The following TEX15 variants were observed in gnomAD, a reference collection of about 807,000 sequenced individuals.
TEX15 encodes testis-expressed protein 15.
In TEX15, 171 loss-of-function variants were observed where a neutral mutation model predicts 237.3. The observed-to-expected ratio is 0.72, with a 90% confidence interval of 0.64 to 0.82. The LOEUF is 0.82. Among genes scored for constraint, TEX15 ranks in the 40% least tolerant of loss-of-function variants. The pLI is 0.00. For synonymous variants in TEX15, 1,338 were observed against 1,269.8 expected (o/e 1.05, Z -1.14); for missense variants, 3,750 against 3,646.5 (o/e 1.03, Z -0.73).
At chr8:30,907,177 T>G (rs1039590884) in intron 1 of TEX15, among the ~76,000 whole-genome samples, 1 of 152,168 alleles carries the variant, frequency 6.6e-6, no homozygotes, top group African/African-American at 2.4e-5. Flanking sequence ...TCTTGCTGTG[T>G]TGCCAAGGCT....
chr8:30,911,748 C>T (rs1809223917), intron 1 of TEX15, among the ~76,000 whole-genome samples: 1 of 152,154 alleles, frequency 6.6e-6, no homozygotes, highest in Non-Finnish European at 1.5e-5. Flanking sequence ...GCACTGTCTC[C>T]CGACACAGCC....
At chr8:30,865,702 A>AT (rs1808149374) in intron 5 of TEX15, among the ~76,000 whole-genome samples, 1 of 152,230 alleles carries the variant, frequency 6.6e-6, no homozygotes, top group African/African-American at 2.4e-5. Context: ...CAAAAAAACC[A>AT]TATTATCATT....
chr8:30,885,321 T>C (rs1271407958), intron 3 of TEX15, among the ~76,000 whole-genome samples: 1 of 152,146 alleles, frequency 6.6e-6, no homozygotes, highest in Non-Finnish European at 1.5e-5. Flanking sequence ...TCCCGTGCTA[T>C]TCTCATGATA....
chr8:30,878,770 C>T (rs1163122490), intron 3 of TEX15, among the ~76,000 whole-genome samples: 1 of 152,152 alleles, frequency 6.6e-6, no homozygotes, highest in Non-Finnish European at 1.5e-5. Flanking sequence ...AGCAATCCTC[C>T]TGCTTTGGCT....
Position 30,843,392 on chromosome 8 carries a change from G to GTAC in TEX15, c.6772_6774dup (p.Val2258dup). The GTAC allele has an allele frequency of 6.2e-7, 1 of 1,612,846 alleles. No individual in the cohort carries two copies. The highest frequency in any genetic ancestry group is 8.5e-7 in the Non-Finnish European group (1 of 1,179,624). On this transcript the variant is annotated inframe_insertion, in exon 8 of 11. Coordinates refer to ENST00000643185, the MANE Select transcript of TEX15 (RefSeq NM_001350162.2). ...AGACCATAAAGAGATATTTTAACACGTACTGCCTCGTTGTTCTTAATAAAA... is the reference window on the plus strand; with the variant it reads ...AGACCATAAAGAGATATTTTAACACGTACTACTGCCTCGTTGTTCTTAATAAAA...
rs1290697073 is a variant in TEX15, at chr8:30,831,986, T to G, written c.*1300A>C. 2.0e-5 allele frequency: 3 copies of G among 152,228 alleles called. No homozygotes were observed. Among genetic ancestry groups the G allele is most frequent in the Non-Finnish European group, 4.4e-5 (3 of 68,042 alleles). The allele number at this position is 152,228 out of a possible 1,614,324, so 9.4% of individuals were successfully genotyped here. ...AATATTGTTTTAACTCTATCGTCTT[T>G]TCAAATCTCTTACTTCTTTCGGTTA... is the stretch of plus-strand genomic sequence containing the variant. On this transcript the variant is annotated 3_prime_UTR_variant, in exon 11 of 11. Coordinates refer to ENST00000643185, the MANE Select transcript of TEX15 (RefSeq NM_001350162.2).
chr8:30,864,868 T>C (rs1808127233), intron 5 of TEX15, among the ~76,000 whole-genome samples: 1 of 152,218 alleles, frequency 6.6e-6, no homozygotes, highest in Non-Finnish European at 1.5e-5. Flanking sequence ...AAAATTGGTG[T>C]GTATAGGTTT....
intron 3 of TEX15, among the ~76,000 whole-genome samples, chr8:30,877,077 A>T (rs1042260150): frequency 6.6e-6 from 1 of 151,930 alleles, no homozygotes; most frequent in African/African-American, 2.4e-5. Context: ...ATCTTTTATT[A>T]AAAAAAATAG....
chr8:30,842,319 C>T lies in TEX15; in HGVS notation c.7848G>A (p.Met2616Ile). Reference sequence around the variant, plus strand: ...TCATCTTCATATGTTCAATCGTTTTCATGACTTTCCTAATGTGGGCCATTT... The same window carrying T: ...TCATCTTCATATGTTCAATCGTTTTTATGACTTTCCTAATGTGGGCCATTT... Reference protein sequence around the residue: ...LGKMAHIRKVMKTIEHMKMIC... With the variant: ...LGKMAHIRKVIKTIEHMKMIC... The change falls in exon 8 of 11, where the codon ATG (methionine) becomes ATA (isoleucine). Residue 2616 changes from methionine (M) to isoleucine (I), a missense_variant. Coordinates refer to ENST00000643185, the MANE Select transcript of TEX15 (RefSeq NM_001350162.2). The T allele has an allele frequency of 1.2e-6, 2 of 1,613,832 alleles. No homozygotes were observed. Among genetic ancestry groups the T allele is most frequent in the Non-Finnish European group, 1.7e-6 (2 of 1,179,894 alleles).
chr8:30,850,862 CAAAGG>C (rs1043409178), intron 7 of TEX15, among the ~76,000 whole-genome samples: 4 of 151,694 alleles, frequency 2.6e-5, no homozygotes. Flanking sequence ...AAACAATACT[CAAAGG>C]AAAAAAATAG....
rs1807287403 is a variant in TEX15 at position 30,836,171 on chromosome 8, AC to A, written c.9481+631del. 2.3e-5 allele frequency among the ~76,000 whole-genome samples: 3 copies of A among 133,328 alleles called. No homozygotes were observed. The East Asian group carries it at 6.7e-4, about 30-fold the overall frequency. 87.5% of individuals were successfully genotyped at this position (133,328 alleles called of 152,430 possible). On this transcript the variant is annotated intron_variant, in intron 10 of 10. Coordinates refer to ENST00000643185, the MANE Select transcript of TEX15 (RefSeq NM_001350162.2). ...TTTTAAAAAAGTCAGGTCATTAAAA[AC>A]CCTTTAATGGTTGCGTCACATTTCA...
chr8:30,833,382 A>AC, intron 10 of TEX15, 59 bp from the exon 11 acceptor site: 2 of 1,290,338 alleles, frequency 1.5e-6, no homozygotes, highest in Middle Eastern at 3.8e-4. Flanking sequence ...GGTACATGAT[A>AC]CTATAGTGGA....
At position 30,849,304 on chromosome 8, in the gene TEX15, G is replaced by C. The variant is rs560556840; in HGVS notation, c.863C>G (p.Ser288Cys). ...GFPKRAERTC[S>C]LNNCTVAKRF... is the part of the protein sequence containing the mutation. ...TTTGGCCACTGTACAGTTATTCAGAGAGCATGTCCTTTCTGTGGAAATAAT... is the reference window on the plus strand; with the variant it reads ...TTTGGCCACTGTACAGTTATTCAGACAGCATGTCCTTTCTGTGGAAATAAT... Residue 288 changes from serine to cysteine, a missense_variant, in exon 8 of 11, where the codon TCT becomes TGT. Coordinates refer to ENST00000643185, the MANE Select transcript of TEX15 (RefSeq NM_001350162.2). 12 of 1,506,090 alleles carry C rather than the reference G, an allele frequency of 8.0e-6. No homozygotes were observed. The South Asian group carries it at 1.1e-4, about 14-fold the overall frequency. 93.3% of individuals were successfully genotyped at this position (1,506,090 alleles called of 1,614,324 possible). A position where few individuals can be genotyped will look rare whatever the true frequency, so the allele number is the denominator to read the frequency against.
intron 2 of TEX15, chr8:30,887,897 TATA>T: frequency 2.7e-5 from 1 of 36,706 alleles, no homozygotes; most frequent in East Asian, 3.5e-4. Flanking sequence ...TTCATATATA[TATA>T]TATATATATA....
Position 30,837,419 on chromosome 8 carries a change from CT to C in TEX15, c.8864del (p.Gln2955ArgfsTer12), listed in dbSNP as rs1175375280. On this transcript the variant is annotated frameshift_variant, in exon 10 of 11. Transcript: ENST00000643185. LOFTEE classifies it high-confidence loss of function. ...KIPTLQINKL[Q>X]PTETESEDKY... ...TGTCCTCTGACTCAGTTTCTGTAGGCTGTAGTTTGTTTATCTGCAGAGTAGG... is the reference window on the plus strand; with the variant it reads ...TGTCCTCTGACTCAGTTTCTGTAGGCGTAGTTTGTTTATCTGCAGAGTAGG... 2 of 1,614,136 alleles carry C rather than the reference CT, an allele frequency of 1.2e-6. No individual in the cohort carries two copies. Among genetic ancestry groups the C allele is most frequent in the Non-Finnish European group, 1.7e-6 (2 of 1,180,016 alleles).
chr8:30,854,203 T>C (rs1264789353), intron 7 of TEX15, among the ~76,000 whole-genome samples: 12 of 150,480 alleles, frequency 8.0e-5, no homozygotes, highest in Non-Finnish European at 1.8e-4. Context: ...AATTGGTTCT[T>C]TGAAAAACAA....
rs756693983 is a variant in TEX15 at position 30,837,609 on chromosome 8, G to C, written c.8675C>G (p.Ser2892Trp). 6.2e-7 allele frequency: 1 copy of C among 1,613,952 alleles called. No homozygotes were observed. Among genetic ancestry groups the C allele is most frequent in the South Asian group, 1.1e-5 (1 of 91,066 alleles). Reference protein sequence around the residue: ...ETDVSLVPDASVLSKPIFCFV... With the variant: ...ETDVSLVPDAWVLSKPIFCFV... ...ACAGAAAATTGGCTTTGAGAGCACC[G>C]ACGCATCAGGCACAAGAGAAACATC... is the stretch of plus-strand genomic sequence containing the variant. Residue 2892 changes from serine (S) to tryptophan (W), a missense_variant, in exon 10 of 11, where the codon TCG becomes TGG. By Grantham distance (177) the Ser-to-Trp change is radical (BLOSUM62 -3). Transcript: ENST00000643185.
At position 30,845,163 on chromosome 8, in the gene TEX15, T is replaced by C; in HGVS notation, c.5004A>G (p.Gln1668=). The part of the protein sequence containing the change: ...VKHFLNDLYQ[Q]GNLILSDCKR... ...TACAATCAGATAAAATAAGGTTACC[T>C]TGTTGGTAGAGATCATTTAAAAAGT... The change falls in exon 8 of 11, where the codon CAA becomes CAG. Residue 1668 remains glutamine, a synonymous_variant. Coordinates refer to ENST00000643185, the MANE Select transcript of TEX15 (RefSeq NM_001350162.2). 1 of 1,613,480 alleles carries C rather than the reference T, an allele frequency of 6.2e-7. No homozygotes were observed. The highest frequency in any genetic ancestry group is 8.5e-7 in the Non-Finnish European group (1 of 1,179,494).
At chr8:30,901,657 A>G (rs956784304) in intron 1 of TEX15, among the ~76,000 whole-genome samples, 1 of 152,226 alleles carries the variant, frequency 6.6e-6, no homozygotes, top group Non-Finnish European at 1.5e-5. Flanking sequence ...TTAAGCTTGA[A>G]ATAAAAAGAA....
Sources: allele counts gnomAD v4.1 joint callset (sites outside exome capture counted in the v4.1 genomes callset), GRCh38; gene constraint gnomAD v4.1.1; transcripts MANE v1.5; gene names NCBI Gene and HGNC (gene_info 2026-07-23, HGNC 2026-07-21).